Variants in MAF observed in about 807,000 individuals in gnomAD.
MAF encodes transcription factor Maf.
Under a neutral mutation model 22.0 loss-of-function variants are expected in MAF, and 10 were observed. The observed-to-expected ratio is 0.45, with a 90% CI of 0.28 to 0.77. The LOEUF (loss-of-function observed/expected upper bound fraction) is 0.77. Among genes scored for constraint, MAF ranks in the 30% least tolerant of loss-of-function variants. The pLI, the probability that MAF is intolerant of heterozygous loss-of-function variation, is 0.12. For missense variants in MAF, 544 were observed against 548.4 expected (o/e 0.99, Z 0.08); for synonymous variants, 337 against 255.8 (o/e 1.32, Z -3.03).
At chr16:79,597,312 A>T (rs1913591229) in intron 1 of MAF, 1 of 1,040,826 alleles carries the variant, frequency 9.6e-7, no homozygotes, top group African/African-American at 1.7e-5. Flanking sequence ...TAAATTATAT[A>T]CTAGAAACCC....
At chr16:79,318,509 T>C in the MAF span, among the ~76,000 whole-genome samples, 1 of 152,334 alleles carries the variant, frequency 6.6e-6, no homozygotes, top group South Asian at 2.1e-4. Context: ...TTCATCAGCC[T>C]GAACCTGCAC....
chr16:79,489,553 T>G, the MAF span, among the ~76,000 whole-genome samples: 6 of 152,330 alleles, frequency 3.9e-5, no homozygotes, highest in South Asian at 6.2e-4. Context: ...GGAACAGAAG[T>G]ACCTAATTCA....
At chr16:79,405,605 A>C in the MAF span, among the ~76,000 whole-genome samples, 1 of 152,212 alleles carries the variant, frequency 6.6e-6, no homozygotes, top group South Asian at 2.1e-4. Flanking sequence ...TGCAAAACAC[A>C]CAGTAAAGCT....
At chr16:79,377,349 C>A in the MAF span, among the ~76,000 whole-genome samples, 1 of 152,150 alleles carries the variant, frequency 6.6e-6, no homozygotes, top group East Asian at 1.9e-4. Context: ...CTGTTCATAT[C>A]CTTCGCCCAC....
At chr16:79,273,356 T>C in the MAF span, among the ~76,000 whole-genome samples, 3 of 152,224 alleles carry the variant, frequency 2.0e-5, no homozygotes, top group South Asian at 2.1e-4. Flanking sequence ...AGACTTTTCA[T>C]TGCTGCCATG....
At chr16:79,505,016 C>T in the MAF span, among the ~76,000 whole-genome samples, 2 of 152,132 alleles carry the variant, frequency 1.3e-5, no homozygotes, top group African/African-American at 4.8e-5. Flanking sequence ...GTATTTATAG[C>T]ATTTTTCACA....
chr16:79,245,696 C>G, the MAF span, among the ~76,000 whole-genome samples: 1 of 152,006 alleles, frequency 6.6e-6, no homozygotes, highest in African/African-American at 2.4e-5. Flanking sequence ...ACCCAGCAGT[C>G]TCATTACTGG....
At chr16:79,597,079 A>G in intron 1 of MAF, 1 of 1,058,876 alleles carries the variant, frequency 9.4e-7, no homozygotes, top group Non-Finnish European at 1.1e-6. Flanking sequence ...ACACATACCC[A>G]ACTTATATTT....
At chr16:79,409,183 G>T in the MAF span, among the ~76,000 whole-genome samples, 2 of 151,968 alleles carry the variant, frequency 1.3e-5, no homozygotes, top group African/African-American at 4.8e-5. Flanking sequence ...CTTATAAATT[G>T]GGCTTGTATT....
chr16:79,360,045 CTTTCAGG>C, the MAF span, among the ~76,000 whole-genome samples: 3 of 152,106 alleles, frequency 2.0e-5, no homozygotes, highest in African/African-American at 7.2e-5. Flanking sequence ...GGTGGGGTGG[CTTTCAGG>C]TTCATGCAAG....
the MAF span, among the ~76,000 whole-genome samples, chr16:79,475,001 A>T: frequency 6.6e-6 from 1 of 152,226 alleles, no homozygotes; most frequent in Non-Finnish European, 1.5e-5. Context: ...CTGGTAGCAG[A>T]AGATGTTCAT....
At chr16:79,206,896 C>G in the MAF span, among the ~76,000 whole-genome samples, 1 of 152,152 alleles carries the variant, frequency 6.6e-6, no homozygotes, top group African/African-American at 2.4e-5. Context: ...TAAAAGATTG[C>G]TCTTGGATAG....
chr16:79,215,749 A>T, the MAF span, among the ~76,000 whole-genome samples: 1 of 152,238 alleles, frequency 6.6e-6, no homozygotes, highest in Non-Finnish European at 1.5e-5. Context: ...TACATCCTGG[A>T]AATTCAAGGT....
chr16:79,219,875 T>C, the MAF span, among the ~76,000 whole-genome samples: 4 of 152,320 alleles, frequency 2.6e-5, no homozygotes, highest in Non-Finnish European at 2.9e-5. Flanking sequence ...TTTATATCCT[T>C]TCAATATGAT....
chr16:79,564,652 C>A, the MAF span, among the ~76,000 whole-genome samples: 2 of 152,186 alleles, frequency 1.3e-5, no homozygotes, highest in East Asian at 1.9e-4. Flanking sequence ...CCGACCCACC[C>A]ATCTTCTTTG....
the MAF span, among the ~76,000 whole-genome samples, chr16:79,567,700 G>A: frequency 1.3e-5 from 2 of 152,248 alleles, no homozygotes; most frequent in Admixed American, 1.3e-4. Flanking sequence ...GCCTACCATC[G>A]CCTCCATGAG....
At chr16:79,597,637 A>G (rs1913612778) in intron 1 of MAF, 1 of 1,021,926 alleles carries the variant, frequency 9.8e-7, no homozygotes, top group East Asian at 6.5e-5. Flanking sequence ...TTTCATGGGA[A>G]GAAGGCTCTA....
the MAF span, among the ~76,000 whole-genome samples, chr16:79,564,873 C>T: frequency 6.6e-6 from 1 of 152,152 alleles, no homozygotes; most frequent in African/African-American, 2.4e-5. Flanking sequence ...GCGACTTCTG[C>T]AAAACATTCC....
chr16:79,594,010 A>G lies in MAF; in HGVS notation c.*450T>C. On this transcript the variant is annotated 3_prime_UTR_variant, in exon 2 of 2. Coordinates refer to ENST00000326043, the MANE Select transcript of MAF (RefSeq NM_005360.5). The stretch of plus-strand genomic sequence containing the variant: ...CCCGTGGATTTGTTTAGGGAAGGGG[A>G]GTCGAATATCTATTTTTCTTCTTAG... The G allele has an allele frequency of 4.5e-6, 1 of 223,836 alleles. No individual in the cohort carries two copies. Among genetic ancestry groups the G allele is most frequent in the East Asian group, 6.9e-5 (1 of 14,544 alleles). 13.9% of individuals were successfully genotyped at this position (223,836 alleles called of 1,614,324 possible).
Sources: gnomAD v4.1 joint callset for allele counts (sites outside exome capture counted in the v4.1 genomes callset) on GRCh38, gnomAD v4.1.1 for gene constraint, MANE v1.5 for transcripts, NCBI Gene and HGNC (gene_info 2026-07-23, HGNC 2026-07-21) for gene names.